The following PHF14 variants were observed in gnomAD, a reference collection of about 807,000 sequenced individuals.
PHF14 encodes the protein PHD finger protein 14.
PHF14 carries 55 observed loss-of-function variants against 117.9 expected under a neutral mutation model. The observed-to-expected ratio is 0.47, with a 90% CI of 0.38 to 0.58. The LOEUF (loss-of-function observed/expected upper bound fraction) is 0.58, where lower values mean the gene tolerates loss of function less well. Among genes scored for constraint, PHF14 ranks in the 20% least tolerant of loss-of-function variants. The probability of loss-of-function intolerance (pLI) is 0.00; values close to 1 mark genes in which losing one functional copy is unlikely to be tolerated. For missense variants in PHF14, 978 were observed against 1,122.2 expected (o/e 0.87, Z 1.84); for synonymous variants, 409 against 368.6 (o/e 1.11, Z -1.26).
At chr7:11,034,008 T>C (rs574506960) in intron 7 of PHF14, among the ~76,000 whole-genome samples, 1 of 152,210 alleles carries the variant, frequency 6.6e-6, no homozygotes, top group Non-Finnish European at 1.5e-5. Flanking sequence ...TGAAGTCCCA[T>C]AGCCTGTAAA....
chr7:11,063,312 G>C lies in PHF14; in HGVS notation c.2654+1227G>C, dbSNP rs1562446845. 6 of 984,026 alleles carry C rather than the reference G, an allele frequency of 6.1e-6. 1 individual carries two copies. The South Asian group carries it at 2.8e-4, about 46-fold the overall frequency. The allele number at this position is 984,026 out of a possible 1,614,324, so 61.0% of individuals were successfully genotyped here. On this transcript the variant is annotated intron_variant, in intron 16 of 17. Transcript: ENST00000634607. ...AAAGTAGTAAGTAGTTCCAAGTTCA[G>C]GAGATACACCTGAATAATTCTGACC...
At chr7:11,103,764 T>A (rs1787169506) in intron 16 of PHF14, 1 of 985,010 alleles carries the variant, frequency 1.0e-6, no homozygotes, top group Non-Finnish European at 1.2e-6. Flanking sequence ...AATCTAGTGA[T>A]CTCTAGTTAC....
chr7:10,974,389 T>A, intron 1 of PHF14, 65 bp downstream of exon 1: 1 of 1,401,224 alleles, frequency 7.1e-7, no homozygotes, highest in Non-Finnish European at 9.9e-7. Context: ...TCAGGGCCGG[T>A]GGGAGCAGGG....
intron 16 of PHF14, chr7:11,108,224 T>C (rs1029141144): frequency 1.3e-5 from 2 of 151,776 alleles, no homozygotes; most frequent in Non-Finnish European, 3.0e-5. Flanking sequence ...CAATTCAATA[T>C]TCTAAGATAG....
intron 16 of PHF14, chr7:11,062,618 G>A: frequency 1.2e-6 from 1 of 860,520 alleles, no homozygotes; most frequent in Non-Finnish European, 1.4e-6. Context: ...TTTATTTTTT[G>A]TTTTGTCTTT....
At chr7:11,086,912 T>G (rs1025287943) in intron 16 of PHF14, among the ~76,000 whole-genome samples, 3 of 152,178 alleles carry the variant, frequency 2.0e-5, no homozygotes, top group African/African-American at 4.8e-5. Flanking sequence ...CTATGGATAG[T>G]ACCTATTTCA....
chr7:11,155,004 C>T (rs1051126198), intron 17 of PHF14, among the ~76,000 whole-genome samples: 1 of 152,026 alleles, frequency 6.6e-6, no homozygotes, highest in Non-Finnish European at 1.5e-5. Context: ...AGGATCCTTA[C>T]TATCTATCTG....
At chr7:11,104,383 C>A in intron 16 of PHF14, 7 of 958,798 alleles carry the variant, frequency 7.3e-6, no homozygotes, top group Non-Finnish European at 8.7e-6. Flanking sequence ...AGAATACTTT[C>A]TCCTAATAAT....
intron 16 of PHF14, among the ~76,000 whole-genome samples, chr7:11,077,473 C>G (rs1034332632): frequency 6.6e-6 from 1 of 151,610 alleles, no homozygotes; most frequent in Non-Finnish European, 1.5e-5. Context: ...TGGTGGCACG[C>G]GCCTGTAGTC....
At chr7:11,010,574 CTA>C (rs1465819014) in intron 4 of PHF14, among the ~76,000 whole-genome samples, 2 of 151,650 alleles carry the variant, frequency 1.3e-5, no homozygotes, top group African/African-American at 2.4e-5. Flanking sequence ...TAATTTGTAA[CTA>C]TTAATATTAA....
chr7:10,993,023 T>C (rs1189184196), intron 4 of PHF14, among the ~76,000 whole-genome samples: 1 of 152,184 alleles, frequency 6.6e-6, no homozygotes. Flanking sequence ...AGTTATATAG[T>C]GTTCTTAGTG....
intron 6 of PHF14, among the ~76,000 whole-genome samples, chr7:11,025,720 G>A (rs1057063389): frequency 3.9e-5 from 6 of 151,938 alleles, no homozygotes; most frequent in African/African-American, 1.2e-4. Context: ...GCGTGAACCC[G>A]GGAGGCAGAG....
intron 5 of PHF14, among the ~76,000 whole-genome samples, chr7:11,022,430 T>C (rs1783767863): frequency 6.6e-6 from 1 of 152,178 alleles, no homozygotes; most frequent in South Asian, 2.1e-4. Flanking sequence ...TTTACCTAAT[T>C]ACTGCAGAGT....
chr7:11,151,155 G>A (rs1788691865), intron 17 of PHF14, among the ~76,000 whole-genome samples: 1 of 152,082 alleles, frequency 6.6e-6, no homozygotes, highest in African/African-American at 2.4e-5. Context: ...ATGAGAAATA[G>A]CACTTTGTAA....
intron 2 of PHF14, among the ~76,000 whole-genome samples, chr7:10,982,064 T>C (rs1296445999): frequency 3.9e-5 from 6 of 152,316 alleles, no homozygotes; most frequent in African/African-American, 1.2e-4. Context: ...TAAAAAATAA[T>C]TGCCTTTTCA....
intron 3 of PHF14, among the ~76,000 whole-genome samples, chr7:10,989,234 A>T (rs1267244704): frequency 6.6e-6 from 1 of 152,212 alleles, no homozygotes; most frequent in African/African-American, 2.4e-5. Context: ...TATTGGAAGA[A>T]TTATTAATTG....
intron 17 of PHF14, among the ~76,000 whole-genome samples, chr7:11,118,069 T>C (rs1787650219): frequency 6.6e-6 from 1 of 151,830 alleles, no homozygotes; most frequent in South Asian, 2.1e-4. Flanking sequence ...CTTACAAAAA[T>C]GTGCTTCATG....
chr7:11,101,941 A>G (rs769644590), intron 16 of PHF14, among the ~76,000 whole-genome samples: 16 of 151,864 alleles, frequency 1.1e-4, no homozygotes, highest in South Asian at 2.1e-4. Context: ...TATTTCTAAT[A>G]TAGTCTTTTT....
intron 16 of PHF14, among the ~76,000 whole-genome samples, chr7:11,091,455 G>T (rs1163347728): frequency 6.6e-6 from 1 of 152,010 alleles, no homozygotes; most frequent in African/African-American, 2.4e-5. Context: ...AAAATTATGG[G>T]ATTATAAATA....
Sources: allele counts gnomAD v4.1 joint callset (sites outside exome capture counted in the v4.1 genomes callset), GRCh38; gene constraint gnomAD v4.1.1; transcripts MANE v1.5; gene names NCBI Gene and HGNC (gene_info 2026-07-23, HGNC 2026-07-21).